SHANK2: variants seen among roughly 807,000 people sequenced by gnomAD.
The protein encoded by SHANK2 is SH3 and multiple ankyrin repeat domains protein 2.
A neutral mutation model predicts 133.7 loss-of-function variants in SHANK2; 43 were observed. That is an observed-to-expected ratio of 0.32 (90% confidence interval 0.25 to 0.41). The LOEUF (loss-of-function observed/expected upper bound fraction) is 0.41, where lower values mean the gene tolerates loss of function less well. Among genes scored for constraint, SHANK2 ranks in the 10% least tolerant of loss-of-function variants. SHANK2 has a pLI of 1.00. For missense variants in SHANK2, 1,994 were observed against 2,235.8 expected (o/e 0.89, Z 2.18); for synonymous variants, 1,017 against 952.8 (o/e 1.07, Z -1.24).
rs1419077657 is a variant in SHANK2, at chr11:70,938,253, G to T, written c.1108-41686C>A. Among the ~76,000 whole-genome samples, 4 of 152,250 alleles carry T rather than the reference G, an allele frequency of 2.6e-5. No individual in the cohort carries two copies. The South Asian group carries it at 8.3e-4, about 32-fold the overall frequency. On this transcript the variant is annotated intron_variant, in intron 10 of 25. Coordinates refer to ENST00000601538, the MANE Select transcript of SHANK2 (RefSeq NM_012309.5). ...TGTATGTGTGGGTGTGGTGGAGGGG[G>T]GTGTCCTGGGCACAACTTTAACCCC...
intron 17 of SHANK2, among the ~76,000 whole-genome samples, chr11:70,544,881 G>A (rs1401286167): frequency 6.6e-6 from 1 of 152,248 alleles, no homozygotes; most frequent in African/African-American, 2.4e-5. Flanking sequence ...TTCAGGGATT[G>A]CATCCTCTGA....
At chr11:70,869,755 G>A (rs1426747967) in intron 11 of SHANK2, among the ~76,000 whole-genome samples, 1 of 152,186 alleles carries the variant, frequency 6.6e-6, no homozygotes, top group Non-Finnish European at 1.5e-5. Flanking sequence ...CCCCAGACAG[G>A]GGGCTCGACG....
intron 9 of SHANK2, among the ~76,000 whole-genome samples, chr11:71,065,469 G>A (rs1951039677): frequency 2.2e-5 from 3 of 134,422 alleles, no homozygotes; most frequent in South Asian, 2.6e-4. Context: ...GGGGGTGTGT[G>A]CAGAACTCTT....
chr11:71,208,341 G>A (rs1437516087), intron 2 of SHANK2, among the ~76,000 whole-genome samples: 5 of 152,090 alleles, frequency 3.3e-5, no homozygotes, highest in African/African-American at 9.7e-5. Flanking sequence ...GAAGGGACAC[G>A]CACCAGAGCC....
intron 21 of SHANK2, among the ~76,000 whole-genome samples, chr11:70,495,460 T>A (rs1366492076): frequency 6.6e-6 from 1 of 152,236 alleles, no homozygotes; most frequent in African/African-American, 2.4e-5. Flanking sequence ...GCTTGGTCTA[T>A]CCCTGGAAAT....
intron 21 of SHANK2, among the ~76,000 whole-genome samples, chr11:70,493,845 C>T (rs981639111): frequency 3.3e-5 from 5 of 152,196 alleles, no homozygotes; most frequent in Admixed American, 2.0e-4. Context: ...GAAGTGTATG[C>T]TAGGGCCTTG....
intron 14 of SHANK2, among the ~76,000 whole-genome samples, chr11:70,729,202 A>C (rs1946231957): frequency 6.6e-6 from 1 of 151,348 alleles, no homozygotes. Context: ...ATCTAAAAAA[A>C]AATTAAAAAA....
chr11:70,884,789 C>T (rs555362802), intron 11 of SHANK2, among the ~76,000 whole-genome samples: 93 of 152,300 alleles, frequency 6.1e-4, no homozygotes, highest in African/African-American at 2.1e-3. Flanking sequence ...GGCGCGATTT[C>T]GGCTCACTGC....
At chr11:71,138,878 T>A (rs1226673540) in intron 3 of SHANK2, among the ~76,000 whole-genome samples, 1 of 150,328 alleles carries the variant, frequency 6.7e-6, no homozygotes, top group African/African-American at 2.5e-5. Context: ...CGAGAGGACA[T>A]CCCCGTCAGC....
intron 1 of SHANK2, among the ~76,000 whole-genome samples, chr11:71,246,214 C>T (rs1458484960): frequency 6.6e-6 from 1 of 152,046 alleles, no homozygotes; most frequent in Non-Finnish European, 1.5e-5. Flanking sequence ...ATGCCCTGCA[C>T]CCCATTCCTT....
In SHANK2 at chr11:70,797,654, G is replaced by C. The variant is rs377453528; in HGVS notation, c.1777+789C>G. ...ACAGGGCAATGGGCCCGTTTGGACAGAGCTCAGAGGCGGCAGGCTCCGCAC... is the reference window on the plus strand; with the variant it reads ...ACAGGGCAATGGGCCCGTTTGGACACAGCTCAGAGGCGGCAGGCTCCGCAC... On this transcript the variant is annotated intron_variant, in intron 14 of 25. Transcript: ENST00000601538. Among the ~76,000 whole-genome samples the C allele has an allele frequency of 4.4e-4, 67 of 152,324 alleles. 2 individuals are homozygous for C. Among genetic ancestry groups the C allele is most frequent in the African/African-American group, 1.5e-3 (64 of 41,586 alleles).
At chr11:70,556,339 A>C (rs1250322547) in intron 17 of SHANK2, among the ~76,000 whole-genome samples, 1 of 152,198 alleles carries the variant, frequency 6.6e-6, no homozygotes, top group African/African-American at 2.4e-5. Flanking sequence ...AGCTGCTATA[A>C]GCACTTAACG....
At position 70,492,787 on chromosome 11, in the gene SHANK2, GTTTTTTTTTTTTTT is replaced by G. The variant is rs34452642; in HGVS notation, c.2309-336_2309-323del. Among the ~76,000 whole-genome samples, 72 of 70,596 alleles carry G rather than the reference GTTTTTTTTTTTTTT, an allele frequency of 1.0e-3. 1 individual carries two copies. The highest frequency in any genetic ancestry group is 1.2e-3 in the Admixed American group (6 of 5,086). The allele number at this position is 70,596 out of a possible 152,430, so 46.3% of individuals were successfully genotyped here. Reference sequence around the variant, plus strand: ...TTTCTGTTTTTTGGGACATTTCTGTGTTTTTTTTTTTTTTTTTTTTTTTTTTGAGACAGTCTCTT... The same window carrying G: ...TTTCTGTTTTTTGGGACATTTCTGTGTTTTTTTTTTTTGAGACAGTCTCTT... On this transcript the variant is annotated intron_variant, in intron 21 of 25. Transcript: ENST00000601538.
intron 11 of SHANK2, among the ~76,000 whole-genome samples, chr11:70,821,183 T>C (rs1393677007): frequency 6.6e-6 from 1 of 152,010 alleles, no homozygotes; most frequent in Non-Finnish European, 1.5e-5. Context: ...GTAAGGTCTT[T>C]ACAGAGATCA....
chr11:70,598,926 C>A (rs373739575), intron 17 of SHANK2, among the ~76,000 whole-genome samples: 400 of 112,748 alleles, frequency 3.5e-3, no homozygotes, highest in South Asian at 5.1e-3. Flanking sequence ...AGCTGCATGT[C>A]AAAAAAAAAA....
intron 10 of SHANK2, among the ~76,000 whole-genome samples, chr11:70,912,611 C>T (rs1409270303): frequency 6.6e-6 from 1 of 152,160 alleles, no homozygotes; most frequent in African/African-American, 2.4e-5. Flanking sequence ...AGTCCACATG[C>T]TAAACCATGA....
intron 10 of SHANK2, among the ~76,000 whole-genome samples, chr11:70,919,577 TCAC>T (rs1284442040): frequency 1.3e-5 from 2 of 152,310 alleles, no homozygotes; most frequent in Non-Finnish European, 2.9e-5. Context: ...AGTCAGAGTT[TCAC>T]CATGTTGGCC....
At chr11:71,098,275 G>T (rs1378576611) in intron 6 of SHANK2, among the ~76,000 whole-genome samples, 1 of 151,742 alleles carries the variant, frequency 6.6e-6, no homozygotes, top group Non-Finnish European at 1.5e-5. Flanking sequence ...ATGCTTGTGT[G>T]TGTGCATGCC....
intron 10 of SHANK2, among the ~76,000 whole-genome samples, chr11:70,926,319 G>A (rs1365464724): frequency 1.3e-5 from 2 of 152,220 alleles, no homozygotes; most frequent in African/African-American, 2.4e-5. Context: ...GCTGAGGCGG[G>A]AGGATCACTT....
Sources: allele counts gnomAD v4.1 joint callset (sites outside exome capture counted in the v4.1 genomes callset), GRCh38; gene constraint gnomAD v4.1.1; transcripts MANE v1.5; gene names NCBI Gene and HGNC (gene_info 2026-07-23, HGNC 2026-07-21).